The following ASPG variants were observed in gnomAD, a reference collection of about 807,000 sequenced individuals.
ASPG encodes asparaginase.
A neutral mutation model predicts 63.2 loss-of-function variants in ASPG; 53 were observed. The observed-to-expected ratio is 0.84, with a 90% CI of 0.67 to 1.05. ASPG has a LOEUF of 1.05. ASPG is among the 50% of genes least tolerant of loss of function. The pLI is 0.00. For missense variants in ASPG, 741 were observed against 794.4 expected, an observed-to-expected ratio of 0.93 and a Z score of 0.81; for synonymous variants, 370 against 355.0, an observed-to-expected ratio of 1.04 and a Z score of -0.48.
chr14:104,107,437 G>A (rs2037185687), intron 12 of ASPG, 92 bp downstream of exon 12: 1 of 1,246,584 alleles, frequency 8.0e-7, no homozygotes, highest in Non-Finnish European at 1.0e-6. Context: ...CCGGGGCTGG[G>A]CTGGGAGAGG....
chr14:104,104,961 G>A (rs996260904), intron 9 of ASPG: 47 of 582,324 alleles, frequency 8.1e-5, no homozygotes, highest in Admixed American at 3.0e-4. Flanking sequence ...GCCTGTCCTT[G>A]TGCCTTCTCA....
chr14:104,109,777 G>C lies in ASPG; in HGVS notation c.1520+462G>C, dbSNP rs1383862590. On this transcript the variant is annotated intron_variant, in intron 13 of 15. Transcript: ENST00000551177. This position sits in a 1 kb window ranked among gnomAD's most constrained non-coding sequence, Gnocchi z 4.8. ...GGTCTCGTGAGCTCTGTTCTCCCCA[G>C]CGTGGTTCCTGTCCTGGGATAAACT... Among the ~76,000 whole-genome samples, 1 of 152,008 alleles carries C rather than the reference G, an allele frequency of 6.6e-6. No individual in the cohort carries two copies. The highest frequency in any genetic ancestry group is 1.5e-5 in the Non-Finnish European group (1 of 67,988).
chr14:104,099,015 A>G, intron 6 of ASPG, 36 bp downstream of exon 6: 1 of 1,551,846 alleles, frequency 6.4e-7, no homozygotes, highest in Non-Finnish European at 8.7e-7. Flanking sequence ...GTGCCTGCCC[A>G]GTGCTGGTGC....
chr14:104,103,129 T>C lies in ASPG; in HGVS notation c.641-434T>C, dbSNP rs533624257. Among the ~76,000 whole-genome samples the C allele has an allele frequency of 3.7e-3, 569 of 152,362 alleles. 1 individual carries two copies. Among genetic ancestry groups the C allele is most frequent in the African/African-American group, 0.013 (530 of 41,590 alleles). On this transcript the variant is annotated intron_variant, in intron 6 of 15. Coordinates refer to ENST00000551177, the MANE Select transcript of ASPG (RefSeq NM_001080464.3). ...GCCTGTAACCCAGCGCAGTGACTGC[T>C]GGTGGCTCCCCAGCTGGGCATGCCT...
chr14:104,109,336 T>C lies in ASPG; in HGVS notation c.1520+21T>C. 1 of 1,590,122 alleles carries C rather than the reference T, an allele frequency of 6.3e-7. No individual in the cohort carries two copies. On this transcript the variant is annotated intron_variant, in intron 13 of 15. Transcript: ENST00000551177. This position sits in a 1 kb window ranked among gnomAD's most constrained non-coding sequence, Gnocchi z 4.8. ...TGCAGGTGAGTGCAGCTAGAGCACC[T>C]GCTCTTCCAGGGATGTGGGGGACAC...
chr14:104,094,007 G>A (rs530166381), intron 3 of ASPG, among the ~76,000 whole-genome samples: 1 of 151,890 alleles, frequency 6.6e-6, no homozygotes, highest in South Asian at 2.1e-4. Flanking sequence ...ACTCTGGGAC[G>A]GGTGAGGAGC....
Position 104,092,719 on chromosome 14 carries a change from T to C in ASPG, c.169T>C (p.Ser57Pro). 6.5e-7 allele frequency: 1 copy of C among 1,536,770 alleles called. No individual in the cohort carries two copies. The highest frequency in any genetic ancestry group is 8.7e-7 in the Non-Finnish European group (1 of 1,147,062). ...GGAGCACGCCCGAGCCCGCGGCCTC[T>C]CTGAGGACACCCTGGTGCTACCGTG... ...DEEHARARGLSEDTLVLPPAS... is the reference protein window; with the variant it reads ...DEEHARARGLPEDTLVLPPAS... Residue 57 changes from serine (S) to proline (P), a missense_variant, in exon 2 of 16, where the codon TCT (serine) becomes CCT (proline). Physicochemically the swap from Ser to Pro is moderately conservative, Grantham distance 74. Coordinates refer to ENST00000551177, the MANE Select transcript of ASPG (RefSeq NM_001080464.3).
In ASPG at chr14:104,094,925, G is replaced by A. The variant is rs1025774913; in HGVS notation, c.304-606G>A. 1.9e-4 allele frequency among the ~76,000 whole-genome samples: 29 copies of A among 152,310 alleles called. No individual in the cohort carries two copies. In the East Asian group the frequency reaches 2.7e-3, roughly 14 times the overall value. On this transcript the variant is annotated intron_variant, in intron 3 of 15. Coordinates refer to ENST00000551177, the MANE Select transcript of ASPG (RefSeq NM_001080464.3). ...GGCCCCCCGGGCAGGCCCAGGCTTC[G>A]TATGGAGCCCTGGGCTCTCGGAACG...
rs73358215 is a variant in ASPG, at chr14:104,100,251, G to T, written c.640+1272G>T. 5.8e-3 allele frequency among the ~76,000 whole-genome samples: 889 copies of T among 152,310 alleles called. 4 individuals are homozygous for T. The highest frequency in any genetic ancestry group is 0.021 in the African/African-American group (857 of 41,568). ...CCCTGGGAAGGGTCTGGCAGGGCAGGGGCCTTCCTGGAGCATCTACCAGAA... is the reference window on the plus strand; with the variant it reads ...CCCTGGGAAGGGTCTGGCAGGGCAGTGGCCTTCCTGGAGCATCTACCAGAA... On this transcript the variant is annotated intron_variant, in intron 6 of 15. Coordinates refer to ENST00000551177, the MANE Select transcript of ASPG (RefSeq NM_001080464.3).
At chr14:104,111,469 C>T (rs375244475) in intron 13 of ASPG, 33 bp from the exon 14 acceptor site, 366 of 1,515,654 alleles carry the variant, frequency 2.4e-4, no homozygotes, top group Non-Finnish European at 4.8e-5. Flanking sequence ...GCCCAGCAGG[C>T]CCCAACAACT....
At chr14:104,095,460 C>T in intron 3 of ASPG, 71 bp from the exon 4 acceptor site, 2 of 1,599,908 alleles carry the variant, frequency 1.3e-6, no homozygotes, top group Non-Finnish European at 1.7e-6. Context: ...GGACCCTTTC[C>T]CCCATGCTGC....
rs761416472 is a variant in ASPG, at chr14:104,085,810, G to A, written c.40G>A (p.Val14Ile). Residue 14 changes from valine to isoleucine, a missense_variant, in exon 1 of 16, where the codon GTC (valine) becomes ATC (isoleucine). Val to Ile is a conservative substitution (Grantham distance 29, BLOSUM62 3). Transcript: ENST00000551177. ...AVGPERRLLA[V>I]YTGGTIGMRS... ...GGGGCCCGAGCGGAGGCTGCTGGCC[G>A]TCTACACCGGCGGCACCATTGGCAT... is the stretch of plus-strand genomic sequence containing the variant. 1.9e-6 allele frequency: 3 copies of A among 1,590,422 alleles called. No individual in the cohort carries two copies. The East Asian group carries it at 7.0e-5, about 37-fold the overall frequency.
At chr14:104,111,896 C>T (rs1318929040) in intron 14 of ASPG, 24 bp from the exon 15 acceptor site, 2 of 1,547,934 alleles carry the variant, frequency 1.3e-6, no homozygotes, top group Admixed American at 3.9e-5. Context: ...CCCAAGGCAG[C>T]CCCTCCCCAC....
intron 1 of ASPG, among the ~76,000 whole-genome samples, chr14:104,088,271 G>A (rs2036272644): frequency 6.6e-6 from 1 of 152,206 alleles, no homozygotes; most frequent in Non-Finnish European, 1.5e-5. Context: ...CTGGTAAACA[G>A]TGACCTGTGG....
chr14:104,104,949 C>T (rs902534138), intron 9 of ASPG: 10 of 586,986 alleles, frequency 1.7e-5, no homozygotes, highest in Non-Finnish European at 2.7e-5. Context: ...AGCCCAGGCT[C>T]CGCCTGTCCT....
In ASPG at chr14:104,111,414, C is replaced by T. The variant is rs561329155; in HGVS notation, c.1521-88C>T. 4.5e-5 allele frequency: 55 copies of T among 1,227,130 alleles called. No homozygotes were observed. The African/African-American group carries it at 5.9e-4, about 13-fold the overall frequency. 76.0% of individuals were successfully genotyped at this position (1,227,130 alleles called of 1,614,324 possible). ...CTGTTTGGGGCTGGCTTTGTAAGAGCGTCCAGGCCACCTGGGGGACAGGCA... is the reference window on the plus strand; with the variant it reads ...CTGTTTGGGGCTGGCTTTGTAAGAGTGTCCAGGCCACCTGGGGGACAGGCA... On this transcript the variant is annotated intron_variant, in intron 13 of 15. Coordinates refer to ENST00000551177, the MANE Select transcript of ASPG (RefSeq NM_001080464.3).
At chr14:104,108,374 C>A in intron 12 of ASPG, 1 of 980,714 alleles carries the variant, frequency 1.0e-6, no homozygotes, top group Non-Finnish European at 1.2e-6. Flanking sequence ...CAGTCCCGCC[C>A]CCTCGTCTCC....
Position 104,112,710 on chromosome 14 carries a change from C to A in ASPG, c.*166C>A. 1 of 1,471,988 alleles carries A rather than the reference C, an allele frequency of 6.8e-7. No individual in the cohort carries two copies. The highest frequency in any genetic ancestry group is 2.5e-5 in the East Asian group (1 of 40,210). 91.2% of individuals were successfully genotyped at this position (1,471,988 alleles called of 1,614,324 possible). A position where few individuals can be genotyped will look rare whatever the true frequency, so the allele number is the denominator to read the frequency against. On this transcript the variant is annotated 3_prime_UTR_variant, in exon 16 of 16. Transcript: ENST00000551177. ...CAATAAAGTCTCTGACATCCCCTCA[C>A]CAGGTCTGTACAGCCTGGCTCTGAG...
In ASPG at chr14:104,107,230, G is replaced by A. The variant is rs756260499; in HGVS notation, c.1318G>A (p.Ala440Thr). The part of the protein sequence containing the change: ...VDFNGQTPLH[A>T]AARGGHTEAV... The stretch of plus-strand genomic sequence containing the variant: ...CTTTAACGGCCAAACCCCACTGCAC[G>A]CGGCCGCCCGGGGAGGCCACACAGA... The change falls in exon 12 of 16, where the codon GCG becomes ACG. Residue 440 changes from alanine to threonine, a missense_variant. Physicochemically the swap from Ala to Thr is moderately conservative, Grantham distance 58 (BLOSUM62 0). Transcript: ENST00000551177. 15 of 1,604,606 alleles carry A rather than the reference G, an allele frequency of 9.3e-6. No individual in the cohort carries two copies. The highest frequency in any genetic ancestry group is 3.4e-5 in the Admixed American group (2 of 59,016).
Sources: gnomAD v4.1 joint callset for allele counts (sites outside exome capture counted in the v4.1 genomes callset) on GRCh38, gnomAD v4.1.1 for gene constraint, Gnocchi (gnomAD v3.1) non-coding constraint, MANE v1.5 for transcripts, NCBI Gene and HGNC (gene_info 2026-07-23, HGNC 2026-07-21) for gene names.